Variants in WDR44 observed in about 807,000 individuals in gnomAD.
The protein encoded by WDR44 is WD repeat domain 44.
A neutral mutation model predicts 65.7 loss-of-function variants in WDR44; 9 were observed. The observed-to-expected ratio is 0.14, with a 90% CI of 0.08 to 0.24. WDR44 has a LOEUF of 0.24. Ranked by LOEUF, WDR44 falls within the 10% of genes least tolerant of loss-of-function variation. The pLI, the probability that WDR44 is intolerant of heterozygous loss-of-function variation, is 1.00. For synonymous variants in WDR44, 220 were observed against 235.2 expected, an observed-to-expected ratio of 0.94 and a Z score of 0.59; for missense variants, 425 against 670.9, an observed-to-expected ratio of 0.63 and a Z score of 4.05.
intron 12 of WDR44, among the ~76,000 whole-genome samples, chrX:118,419,696 C>G (rs1173508069): frequency 1.8e-5 from 2 of 112,007 alleles, no homozygotes; most frequent in Non-Finnish European, 3.8e-5. Context: ...AGTCCTGCCT[C>G]CTGTCTGCCA....
At chrX:118,393,649 T>C (rs2056840832) in intron 4 of WDR44, among the ~76,000 whole-genome samples, 1 of 111,385 alleles carries the variant, frequency 9.0e-6, no homozygotes, top group Non-Finnish European at 1.9e-5. Flanking sequence ...GAGTTGAAAC[T>C]GTTTACCTTT....
At chrX:118,404,084 C>T (rs2056942864) in intron 8 of WDR44, among the ~76,000 whole-genome samples, 1 of 112,004 alleles carries the variant, frequency 8.9e-6, no homozygotes, top group Admixed American at 9.6e-5. Flanking sequence ...AATTTTTATT[C>T]ACCATTGAAA....
At chrX:118,386,237 G>A (rs773919094) in intron 2 of WDR44, among the ~76,000 whole-genome samples, 1 of 110,618 alleles carries the variant, frequency 9.0e-6, no homozygotes, top group Non-Finnish European at 1.9e-5. Context: ...AAGAATTATG[G>A]TTTTTTTTCC....
chrX:118,383,140 A>C (rs1181083826), intron 2 of WDR44, among the ~76,000 whole-genome samples: 2 of 112,057 alleles, frequency 1.8e-5, no homozygotes, highest in Non-Finnish European at 3.8e-5. Context: ...TCACTCCTTT[A>C]AACTTGTGAC....
chrX:118,431,698 C>G (rs2057212859), intron 12 of WDR44, among the ~76,000 whole-genome samples: 1 of 112,200 alleles, frequency 8.9e-6, no homozygotes, highest in African/African-American at 3.2e-5. Context: ...ATCCTACCTA[C>G]CTTTCCCTAA....
intron 17 of WDR44, 111 bp from the exon 18 acceptor site, chrX:118,443,449 C>T (rs1362725193): frequency 1.1e-6 from 1 of 929,161 alleles, no homozygotes; most frequent in Non-Finnish European, 1.5e-6. Flanking sequence ...TTCAACAAGA[C>T]CCTTCAAGTG....
intron 4 of WDR44, 147 bp downstream of exon 4, chrX:118,393,418 A>G: frequency 1.7e-6 from 1 of 595,915 alleles, no homozygotes; most frequent in Non-Finnish European, 2.5e-6. Flanking sequence ...CATCTGAGCA[A>G]CAACAACAAA....
At chrX:118,432,053 C>T (rs1270312020) in intron 12 of WDR44, among the ~76,000 whole-genome samples, 1 of 111,942 alleles carries the variant, frequency 8.9e-6, no homozygotes, top group Non-Finnish European at 1.9e-5. Context: ...TTTCTACCTA[C>T]CTCTGTCAGT....
chrX:118,407,146 A>T, intron 10 of WDR44, 120 bp downstream of exon 10: 1 of 672,358 alleles, frequency 1.5e-6, no homozygotes, highest in East Asian at 3.3e-5. Flanking sequence ...AAGAACGGGG[A>T]ATTTATGTTA....
In WDR44 at chrX:118,368,995, T is replaced by C. The variant is rs1428118205; in HGVS notation, c.78-9424T>C. Among the ~76,000 whole-genome samples the C allele has an allele frequency of 2.7e-5, 3 of 109,436 alleles. No homozygotes were observed. In the East Asian group the frequency reaches 8.6e-4, roughly 31 times the overall value. On this transcript the variant is annotated intron_variant, in intron 1 of 19. Transcript: ENST00000254029. ...CACCCACCTTGGCCTCCCAAAGTGC[T>C]GGGATTACAGGCATGAGCCACCATG...
chrX:118,400,622 A>T lies in WDR44; in HGVS notation c.1274+2152A>T, dbSNP rs555890228. Among the ~76,000 whole-genome samples, 21 of 110,090 alleles carry T rather than the reference A, an allele frequency of 1.9e-4. No individual in the cohort carries two copies. In the South Asian group the frequency reaches 8.1e-3, roughly 43 times the overall value. On this transcript the variant is annotated intron_variant, in intron 8 of 19. Transcript: ENST00000254029. ...TCAAAAGAAATACAGAAATATGTAA[A>T]ATAGAAAATGAAAGTTTCTCATAAT...
At chrX:118,346,094 T>A, upstream of WDR44, 1 of 298,746 alleles carries the variant, frequency 3.3e-6, no homozygotes, top group Non-Finnish European at 5.9e-6. Context: ...CTCGCGAGGG[T>A]AGGTGCGCGT....
chrX:118,424,267 A>ATT (rs2057131508), intron 12 of WDR44, among the ~76,000 whole-genome samples: 4 of 85,160 alleles, frequency 4.7e-5, no homozygotes, highest in Admixed American at 2.6e-4. Flanking sequence ...TTGTTATCTT[A>ATT]TATATATATA....
In WDR44 at chrX:118,346,305, G is replaced by A; in HGVS notation, c.-199G>A. ...CGCCGCCTCTTCAGGCGGCCGCTTT[G>A]CCGGTCATTCCCGAAGCCCGGCAAC... On this transcript the variant is annotated 5_prime_UTR_variant, in exon 1 of 20. Transcript: ENST00000254029. 3 of 418,152 alleles carry A rather than the reference G, an allele frequency of 7.2e-6. No homozygotes were observed. Among genetic ancestry groups the A allele is most frequent in the East Asian group, 8.5e-5 (2 of 23,536 alleles). The allele number at this position is 418,152 out of a possible 1,213,427, so 34.5% of individuals were successfully genotyped here. A position where few individuals can be genotyped will look rare whatever the true frequency, so the allele number is the denominator to read the frequency against.
chrX:118,448,461 C>A (rs2057366525), intron 19 of WDR44, among the ~76,000 whole-genome samples: 1 of 111,937 alleles, frequency 8.9e-6, no homozygotes, highest in African/African-American at 3.2e-5. Flanking sequence ...GTCTGCTATA[C>A]AATAAACCTT....
At chrX:118,434,921 C>T (rs1050803435) in intron 13 of WDR44, among the ~76,000 whole-genome samples, 2 of 111,344 alleles carry the variant, frequency 1.8e-5, no homozygotes, top group African/African-American at 6.5e-5. Flanking sequence ...ATAACAACCC[C>T]GTGAGGTAGA....
At chrX:118,445,678 C>T (rs2057339718) in intron 19 of WDR44, among the ~76,000 whole-genome samples, 1 of 112,235 alleles carries the variant, frequency 8.9e-6, no homozygotes, top group South Asian at 3.6e-4. Context: ...ATATACAATG[C>T]TCATATTAGG....
At chrX:118,390,927 AC>A (rs1393831800) in intron 3 of WDR44, among the ~76,000 whole-genome samples, 1 of 112,171 alleles carries the variant, frequency 8.9e-6, no homozygotes, top group Admixed American at 9.5e-5. Context: ...TTTGTAGCTT[AC>A]TAATTGTGGG....
intron 1 of WDR44, among the ~76,000 whole-genome samples, chrX:118,368,809 C>T (rs1041672432): frequency 5.8e-5 from 6 of 103,273 alleles, no homozygotes; most frequent in Admixed American, 1.1e-4. Flanking sequence ...CTCTGCCTCC[C>T]GGGTTCAAGC....
Sources: gnomAD v4.1 joint callset for allele counts (sites outside exome capture counted in the v4.1 genomes callset) on GRCh38, gnomAD v4.1.1 for gene constraint, MANE v1.5 for transcripts, NCBI Gene and HGNC (gene_info 2026-07-23, HGNC 2026-07-21) for gene names.